Variants in ABCB1 observed in about 807,000 individuals in gnomAD.
ABCB1 encodes the protein ATP binding cassette subfamily B member 1.
Under a neutral mutation model 142.0 loss-of-function variants are expected in ABCB1, and 69 were observed. The observed-to-expected ratio is 0.49, with a 90% CI of 0.40 to 0.59. The LOEUF (loss-of-function observed/expected upper bound fraction) is 0.59. Ranked by LOEUF, ABCB1 falls within the 20% of genes least tolerant of loss-of-function variation. The pLI, the probability that ABCB1 is intolerant of heterozygous loss-of-function variation, is 0.00. For missense variants in ABCB1, 1,326 were observed against 1,554.7 expected (o/e 0.85, Z 2.47); for synonymous variants, 532 against 539.2 (o/e 0.99, Z 0.18).
intron 1 of ABCB1, among the ~76,000 whole-genome samples, chr7:87,644,423 A>G (rs1243175554): frequency 6.6e-6 from 1 of 152,232 alleles, no homozygotes; most frequent in African/African-American, 2.4e-5. Context: ...GACATATAAT[A>G]AGGAATATTG....
chr7:87,666,423 T>C (rs919344274), intron 1 of ABCB1, among the ~76,000 whole-genome samples: 5 of 152,094 alleles, frequency 3.3e-5, no homozygotes, highest in Non-Finnish European at 7.4e-5. Flanking sequence ...AAATATTTTT[T>C]TCCCATTCTG....
intron 9 of ABCB1, among the ~76,000 whole-genome samples, chr7:87,551,765 C>T (rs1817082692): frequency 6.6e-6 from 1 of 151,996 alleles, no homozygotes; most frequent in Non-Finnish European, 1.5e-5. Flanking sequence ...GTCTTACTTG[C>T]TCAATAAACA....
intron 1 of ABCB1, among the ~76,000 whole-genome samples, chr7:87,607,541 T>C (rs1055404900): frequency 2.0e-5 from 3 of 152,248 alleles, no homozygotes; most frequent in African/African-American, 7.2e-5. Flanking sequence ...TGATTCTTTT[T>C]TTTTTCTTTA....
At chr7:87,682,409 C>G (rs944779085) in intron 1 of ABCB1, among the ~76,000 whole-genome samples, 1 of 152,170 alleles carries the variant, frequency 6.6e-6, no homozygotes, top group African/African-American at 2.4e-5. Context: ...CCAGATCCAT[C>G]AGAAGACTCA....
intron 8 of ABCB1, among the ~76,000 whole-genome samples, chr7:87,556,422 CAA>C (rs1817312688): frequency 6.6e-6 from 1 of 152,132 alleles, no homozygotes; most frequent in African/African-American, 2.4e-5. Context: ...AATTTCCATT[CAA>C]AGAGAGCCAG....
intron 21 of ABCB1, chr7:87,521,457 C>A: frequency 1.4e-6 from 1 of 711,960 alleles, no homozygotes; most frequent in Non-Finnish European, 2.6e-6. Flanking sequence ...TTTCCCCTGC[C>A]GTCATGTCTA....
chr7:87,622,115 G>C (rs1486160950), intron 1 of ABCB1, among the ~76,000 whole-genome samples: 1 of 152,004 alleles, frequency 6.6e-6, no homozygotes, highest in Non-Finnish European at 1.5e-5. Context: ...GGAAAATATT[G>C]ATGAATTTCA....
chr7:87,605,870 G>T (rs944395784), upstream of ABCB1, among the ~76,000 whole-genome samples: 4 of 152,108 alleles, frequency 2.6e-5, no homozygotes, highest in Admixed American at 1.3e-4. Flanking sequence ...GATGGTCAAT[G>T]GAGCCAAGAT....
At chr7:87,658,688 C>G (rs371371617) in intron 1 of ABCB1, among the ~76,000 whole-genome samples, 3 of 152,136 alleles carry the variant, frequency 2.0e-5, no homozygotes, top group East Asian at 3.9e-4. Flanking sequence ...GATTTCTGAT[C>G]AGAAACCATG....
chr7:87,702,016 A>G (rs946690788), intron 1 of ABCB1, among the ~76,000 whole-genome samples: 9 of 151,474 alleles, frequency 5.9e-5, no homozygotes, highest in Non-Finnish European at 1.3e-4. Context: ...GGTGGTGGGC[A>G]CCTGTAATCC....
chr7:87,643,393 AAC>A (rs1366670674), intron 1 of ABCB1, among the ~76,000 whole-genome samples: 2 of 152,206 alleles, frequency 1.3e-5, no homozygotes, highest in Non-Finnish European at 2.9e-5. Context: ...GCCTGTGGAC[AAC>A]AGTCTGTAGA....
intron 8 of ABCB1, among the ~76,000 whole-genome samples, chr7:87,559,705 C>T (rs1584880297): frequency 1.3e-5 from 2 of 152,018 alleles, no homozygotes; most frequent in East Asian, 3.9e-4. Context: ...ATGTGAAATC[C>T]TCAGCTTTGG....
chr7:87,702,540 G>T lies in ABCB1; in HGVS notation c.-331+10621C>A, dbSNP rs146703753. ...AGCAGTCTTTCTGCTGCAGCCTCCC[G>T]AAGTGCTGGATTACAGGCGTTGAGT... On this transcript the variant is annotated intron_variant, in intron 1 of 28. Transcript: ENST00000265724. Among the ~76,000 whole-genome samples the T allele has an allele frequency of 3.0e-3, 462 of 152,114 alleles. 3 individuals carry two copies. Among genetic ancestry groups the T allele is most frequent in the African/African-American group, 0.011 (439 of 41,500 alleles).
At chr7:87,669,036 T>G (rs1374904780) in intron 1 of ABCB1, among the ~76,000 whole-genome samples, 1 of 127,232 alleles carries the variant, frequency 7.9e-6, no homozygotes, top group Non-Finnish European at 1.8e-5. Context: ...TCTTTGTTAA[T>G]TGTCTGCCTC....
intron 20 of ABCB1, chr7:87,531,753 A>G (rs1816066688): frequency 2.2e-6 from 1 of 447,752 alleles, no homozygotes; most frequent in South Asian, 2.6e-5. Context: ...TAATACCAAG[A>G]AAACCTTCAT....
Position 87,553,626 on chromosome 7 carries a change from T to C in ABCB1, c.999+135A>G, listed in dbSNP as rs28381881. 2.3e-4 allele frequency: 228 copies of C among 1,002,092 alleles called. No homozygotes were observed. In the East Asian group the frequency reaches 5.3e-3, roughly 24 times the overall value. The allele number at this position is 1,002,092 out of a possible 1,614,324, so 62.1% of individuals were successfully genotyped here. On this transcript the variant is annotated intron_variant, in intron 9 of 27. Coordinates refer to ENST00000622132, the MANE Select transcript of ABCB1 (RefSeq NM_001348946.2). ...TGAGCCACCGTGCCTGGCCTTCCAC[T>C]TTTTAACCTAGTAGTGCATATGTCT...
chr7:87,652,683 A>T (rs1823704196), intron 1 of ABCB1, among the ~76,000 whole-genome samples: 1 of 148,132 alleles, frequency 6.8e-6, no homozygotes, highest in Non-Finnish European at 1.5e-5. Context: ...TTTTGAGATG[A>T]GGTATTTTAA....
intron 1 of ABCB1, among the ~76,000 whole-genome samples, chr7:87,639,768 T>C (rs1247652147): frequency 6.6e-6 from 1 of 152,078 alleles, no homozygotes; most frequent in Non-Finnish European, 1.5e-5. Flanking sequence ...TTACTTTTGC[T>C]CTTTCTGGGC....
chr7:87,590,534 C>T (rs1464229420), intron 3 of ABCB1, among the ~76,000 whole-genome samples: 2 of 152,178 alleles, frequency 1.3e-5, no homozygotes, highest in African/African-American at 4.8e-5. Context: ...CATGATGAGA[C>T]TTCAGTGACA....
Sources: allele counts gnomAD v4.1 joint callset (sites outside exome capture counted in the v4.1 genomes callset), GRCh38; gene constraint gnomAD v4.1.1; transcripts MANE v1.5; gene names NCBI Gene and HGNC (gene_info 2026-07-23, HGNC 2026-07-21).